C19orf47: variants seen among roughly 807,000 people sequenced by gnomAD.
C19orf47 encodes uncharacterized protein C19orf47.
Under a neutral mutation model 32.3 loss-of-function variants are expected in C19orf47, and 18 were observed. The observed-to-expected ratio is 0.56, with a 90% CI of 0.39 to 0.83. The LOEUF is 0.83. Among genes scored for constraint, C19orf47 ranks in the 40% least tolerant of loss-of-function variants. The pLI is 0.00. For synonymous variants in C19orf47, 202 were observed against 211.1 expected (o/e 0.96, Z 0.37); for missense variants, 484 against 531.6 (o/e 0.91, Z 0.88).
chr19:40,311,545 AAAT>A, the C19orf47 span, among the ~76,000 whole-genome samples: 22 of 151,954 alleles, frequency 1.4e-4, no homozygotes, highest in East Asian at 3.7e-3. Flanking sequence ...CTGTCTCAAA[AAAT>A]AATAATAATA....
intron 7 of C19orf47, 92 bp downstream of exon 7, chr19:40,326,242 C>T: frequency 6.5e-7 from 1 of 1,530,272 alleles, no homozygotes. Context: ...ACCTGCTTCT[C>T]AGCCACCGTC....
At chr19:40,335,273 G>A (rs1445894858) in intron 4 of C19orf47, among the ~76,000 whole-genome samples, 1 of 152,182 alleles carries the variant, frequency 6.6e-6, no homozygotes, top group Non-Finnish European at 1.5e-5. Flanking sequence ...TATAAGTGGA[G>A]GGGTCAAGAC....
intron 7 of C19orf47, 169 bp from the exon 8 acceptor site, chr19:40,324,245 C>A: frequency 1.5e-6 from 1 of 654,652 alleles, no homozygotes. Flanking sequence ...TGACCCTAAC[C>A]CACCCCTATC....
At chr19:40,308,316 C>T in the C19orf47 span, among the ~76,000 whole-genome samples, 9 of 150,496 alleles carry the variant, frequency 6.0e-5, no homozygotes, top group Non-Finnish European at 1.2e-4. Flanking sequence ...TCACCACACC[C>T]GGCTAATTTT....
At chr19:40,294,257 G>A in the C19orf47 span, among the ~76,000 whole-genome samples, 1 of 152,188 alleles carries the variant, frequency 6.6e-6, no homozygotes, top group Non-Finnish European at 1.5e-5. Flanking sequence ...ACTGGCCACA[G>A]ATAAGATTTC....
At position 40,336,369 on chromosome 19, in the gene C19orf47, T is replaced by C. The variant is rs930886753; in HGVS notation, c.58A>G (p.Ile20Val). 1 of 1,614,188 alleles carries C rather than the reference T, an allele frequency of 6.2e-7. No individual in the cohort carries two copies. The highest frequency in any genetic ancestry group is 1.1e-5 in the South Asian group (1 of 91,090). The change falls in exon 3 of 9, where the codon ATT (isoleucine) becomes GTT (valine). Residue 20 changes from isoleucine (I) to valine (V), a missense_variant. Transcript: ENST00000683109. The part of the protein sequence containing the change: ...EWIQFFKEAG[I>V]PPGPAVNYAV... ...TAATTGACGGCAGGTCCTGGAGGAATGCCGGCTTCCTTAAAGAACTGGATC... is the reference window on the plus strand; with the variant it reads ...TAATTGACGGCAGGTCCTGGAGGAACGCCGGCTTCCTTAAAGAACTGGATC...
At chr19:40,348,191 G>A in intron 1 of C19orf47, 133 bp downstream of exon 1, 1 of 541,208 alleles carries the variant, frequency 1.8e-6, no homozygotes, top group Non-Finnish European at 2.9e-6. Flanking sequence ...CACAGGGGAG[G>A]AAACTGAGGC....
At chr19:40,312,341 C>A in the C19orf47 span, among the ~76,000 whole-genome samples, 1 of 151,984 alleles carries the variant, frequency 6.6e-6, no homozygotes, top group South Asian at 2.1e-4. Flanking sequence ...AGGTCGAGAT[C>A]GAGACTATCC....
intron 7 of C19orf47, among the ~76,000 whole-genome samples, chr19:40,325,226 T>G (rs940681129): frequency 5.3e-5 from 8 of 151,050 alleles, no homozygotes; most frequent in Non-Finnish European, 1.0e-4. Context: ...GCCAAGATTG[T>G]GCCACTGCAC....
At position 40,348,392 on chromosome 19, in the gene C19orf47, C is replaced by T; in HGVS notation, c.-102G>A. On this transcript the variant is annotated 5_prime_UTR_variant, in exon 1 of 9. The change creates a new upstream start codon in the 5' untranslated region. Coordinates refer to ENST00000683109, the MANE Select transcript of C19orf47 (RefSeq NM_001256441.2). ...TCCCGGCGGCGCCAACTGTCAGACACTCCTCCCCCGGCCCGGGCTGCCCGC... is the reference window on the plus strand; with the variant it reads ...TCCCGGCGGCGCCAACTGTCAGACATTCCTCCCCCGGCCCGGGCTGCCCGC... 1 of 1,470,814 alleles carries T rather than the reference C, an allele frequency of 6.8e-7. No individual in the cohort carries two copies. Among genetic ancestry groups the T allele is most frequent in the Non-Finnish European group, 9.0e-7 (1 of 1,115,280 alleles). 91.1% of individuals were successfully genotyped at this position (1,470,814 alleles called of 1,614,324 possible). A position where few individuals can be genotyped will look rare whatever the true frequency, so the allele number is the denominator to read the frequency against.
At chr19:40,298,366 A>C in the C19orf47 span, among the ~76,000 whole-genome samples, 4 of 152,032 alleles carry the variant, frequency 2.6e-5, no homozygotes, top group Non-Finnish European at 4.4e-5. Flanking sequence ...ACGGTTTCCC[A>C]ACCTCACTGA....
intron 2 of C19orf47, 144 bp downstream of exon 2, chr19:40,341,695 C>T (rs1475409740): frequency 1.2e-5 from 15 of 1,229,188 alleles, no homozygotes; most frequent in South Asian, 1.2e-4. Flanking sequence ...CAGTTCCAGC[C>T]CCACCCTGCC....
At chr19:40,328,601 C>T in intron 5 of C19orf47, 51 bp from the exon 6 acceptor site, 2 of 1,557,164 alleles carry the variant, frequency 1.3e-6, no homozygotes, top group East Asian at 2.3e-5. Context: ...GAAGACAGGC[C>T]TCAATCCAGC....
At chr19:40,341,911 G>C in intron 1 of C19orf47, 21 bp from the exon 2 acceptor site, 4 of 1,536,144 alleles carry the variant, frequency 2.6e-6, no homozygotes, top group Non-Finnish European at 2.6e-6. Context: ...AGAGAGGAGA[G>C]AGCCCATGAG....
chr19:40,322,091 T>A lies in C19orf47; in HGVS notation c.949A>T (p.Lys317Ter). 2 of 1,614,172 alleles carry A rather than the reference T, an allele frequency of 1.2e-6. No individual in the cohort carries two copies. The highest frequency in any genetic ancestry group is 1.7e-6 in the Non-Finnish European group (2 of 1,180,026). The change falls in exon 9 of 9, where the codon AAG becomes TAG. Residue 317 changes from lysine to a stop codon, truncating the protein, a stop_gained. Transcript: ENST00000683109. LOFTEE classifies it high-confidence loss of function. ...PESLSKVSII[K>*]RLGAAALVPE... ...ACAAGGGCAGCTGCGCCCAGTCTCT[T>A]GATGATGCTGACTTTAGACAAGGAC...
At chr19:40,295,027 T>G in the C19orf47 span, among the ~76,000 whole-genome samples, 1 of 152,156 alleles carries the variant, frequency 6.6e-6, no homozygotes, top group Non-Finnish European at 1.5e-5. Context: ...TTTGCTTTCT[T>G]TTTTTCTTTT....
chr19:40,326,876 T>A (rs2145539034), intron 6 of C19orf47, among the ~76,000 whole-genome samples: 3 of 152,318 alleles, frequency 2.0e-5, no homozygotes, highest in East Asian at 1.9e-4. Context: ...TGTGTACACT[T>A]ATGAGTGGTG....
chr19:40,311,137 G>C, the C19orf47 span, among the ~76,000 whole-genome samples: 6 of 152,208 alleles, frequency 3.9e-5, no homozygotes, highest in South Asian at 1.2e-3. Context: ...AGCACTTTGG[G>C]AGGCCGAGGC....
Position 40,321,601 on chromosome 19 carries a change from G to A in C19orf47, c.*281C>T. On this transcript the variant is annotated 3_prime_UTR_variant, in exon 9 of 9. Coordinates refer to ENST00000683109, the MANE Select transcript of C19orf47 (RefSeq NM_001256441.2). Reference sequence around the variant, plus strand: ...GAGGAAGAAGCCCCCTGGCACTTGGGAGAGGTAGAAAAGTGGGTTCTGCCA... The same window carrying A: ...GAGGAAGAAGCCCCCTGGCACTTGGAAGAGGTAGAAAAGTGGGTTCTGCCA... The A allele has an allele frequency of 1.6e-6, 2 of 1,218,924 alleles. No homozygotes were observed. The highest frequency in any genetic ancestry group is 2.0e-6 in the Non-Finnish European group (2 of 975,638). 75.5% of individuals were successfully genotyped at this position (1,218,924 alleles called of 1,614,324 possible).
Sources: gnomAD v4.1 joint callset for allele counts (sites outside exome capture counted in the v4.1 genomes callset) on GRCh38, gnomAD v4.1.1 for gene constraint, MANE v1.5 for transcripts, NCBI Gene and HGNC (gene_info 2026-07-23, HGNC 2026-07-21) for gene names.